Variants in NHS observed in about 807,000 individuals in gnomAD.
NHS encodes actin remodeling regulator NHS.
In NHS, 5 loss-of-function variants were observed where a neutral mutation model predicts 72.5. That is an observed-to-expected ratio of 0.07 (90% CI 0.04 to 0.14). The LOEUF (loss-of-function observed/expected upper bound fraction) is 0.14, where lower values mean the gene tolerates loss of function less well. NHS is among the 10% of genes least tolerant of loss of function. The probability of loss-of-function intolerance (pLI) is 1.00; values close to 1 mark genes in which losing one functional copy is unlikely to be tolerated. For synonymous variants in NHS, 464 were observed against 547.7 expected (o/e 0.85, Z 2.13); for missense variants, 1,072 against 1,355.7 (o/e 0.79, Z 3.29).
intron 3 of NHS, among the ~76,000 whole-genome samples, chrX:17,715,314 A>G (rs1417162045): frequency 2.7e-5 from 3 of 112,592 alleles, no homozygotes; most frequent in Admixed American, 1.9e-4. Flanking sequence ...CACTTAGAAT[A>G]ATGGCCTCCA....
intron 3 of NHS, among the ~76,000 whole-genome samples, chrX:17,695,486 C>T (rs1224708875): frequency 1.8e-5 from 2 of 111,560 alleles, no homozygotes; most frequent in African/African-American, 6.5e-5. Context: ...ATAGTATAAT[C>T]TCAAAAAATG....
intron 1 of NHS, among the ~76,000 whole-genome samples, chrX:17,621,745 G>A (rs1318937684): frequency 9.0e-6 from 1 of 110,969 alleles, no homozygotes; most frequent in African/African-American, 3.3e-5. Flanking sequence ...GAGCCCCCCA[G>A]GTAGTGACTC....
At chrX:17,433,301 G>A (rs1450380337) in intron 1 of NHS, among the ~76,000 whole-genome samples, 2 of 102,723 alleles carry the variant, frequency 1.9e-5, no homozygotes, top group East Asian at 3.1e-4. Flanking sequence ...TGCCCACCTC[G>A]GCCTCCCATA....
intron 1 of NHS, among the ~76,000 whole-genome samples, chrX:17,433,703 C>T (rs1421519646): frequency 8.9e-6 from 1 of 111,924 alleles, no homozygotes; most frequent in African/African-American, 3.3e-5. Flanking sequence ...GTAAGTTTTA[C>T]TGAACTCTTT....
chrX:17,466,766 A>T (rs1366836856), intron 1 of NHS, among the ~76,000 whole-genome samples: 1 of 111,879 alleles, frequency 8.9e-6, no homozygotes, highest in African/African-American at 3.3e-5. Flanking sequence ...GGCAATGCAC[A>T]TATCCAACTT....
intron 1 of NHS, among the ~76,000 whole-genome samples, chrX:17,570,749 G>C (rs975215942): frequency 3.6e-5 from 4 of 111,595 alleles, no homozygotes; most frequent in Non-Finnish European, 7.5e-5. Context: ...TCTTGTGCTG[G>C]TTTTCAAAGG....
At chrX:17,723,316 G>A (rs937943377) in intron 5 of NHS, among the ~76,000 whole-genome samples, 1 of 111,755 alleles carries the variant, frequency 8.9e-6, no homozygotes, top group Non-Finnish European at 1.9e-5. Flanking sequence ...TCCAAAGCAC[G>A]GCATTGTGAC....
At chrX:17,430,966 GTTCTCATTTC>G (rs2064692421) in intron 1 of NHS, among the ~76,000 whole-genome samples, 1 of 112,188 alleles carries the variant, frequency 8.9e-6, no homozygotes, top group Non-Finnish European at 1.9e-5. Flanking sequence ...GTGGACATAT[GTTCTCATTTC>G]TTCTCTTATA....
chrX:17,513,988 G>A (rs1006636191), intron 1 of NHS, among the ~76,000 whole-genome samples: 58 of 112,044 alleles, frequency 5.2e-4, no homozygotes, highest in African/African-American at 3.9e-4. Flanking sequence ...AGGCAAGGAG[G>A]AGCAAGTCAT....
At chrX:17,407,457 C>A (rs2064534548) in intron 1 of NHS, among the ~76,000 whole-genome samples, 1 of 111,347 alleles carries the variant, frequency 9.0e-6, no homozygotes, top group Non-Finnish European at 1.9e-5. Flanking sequence ...CTTTTATGAT[C>A]TGGCTTTAGG....
At chrX:17,449,577 G>C (rs2064797021) in intron 1 of NHS, among the ~76,000 whole-genome samples, 1 of 112,124 alleles carries the variant, frequency 8.9e-6, no homozygotes, top group Non-Finnish European at 1.9e-5. Flanking sequence ...GCACTTTACT[G>C]TATGTAAGTG....
intron 1 of NHS, among the ~76,000 whole-genome samples, chrX:17,386,009 T>C (rs2064406100): frequency 8.9e-6 from 1 of 111,915 alleles, no homozygotes; most frequent in African/African-American, 3.3e-5. Flanking sequence ...CCATGCCCTC[T>C]GAGACTCCAG....
intron 1 of NHS, among the ~76,000 whole-genome samples, chrX:17,561,269 T>C (rs961485465): frequency 8.9e-6 from 1 of 111,948 alleles, no homozygotes; most frequent in African/African-American, 3.3e-5. Flanking sequence ...TCTGTGGTGA[T>C]GGAACAGGCA....
intron 1 of NHS, among the ~76,000 whole-genome samples, chrX:17,453,745 G>C (rs1360694948): frequency 2.7e-5 from 3 of 112,203 alleles, no homozygotes; most frequent in African/African-American, 9.7e-5. Flanking sequence ...TGGAACCCCT[G>C]CTCAAGGATG....
At chrX:17,619,099 G>A (rs887328105) in intron 1 of NHS, among the ~76,000 whole-genome samples, 16 of 112,307 alleles carry the variant, frequency 1.4e-4, no homozygotes, top group African/African-American at 4.9e-4. Context: ...CCCTGTGATT[G>A]AGTTATGACG....
chrX:17,454,390 G>A (rs1253828018), intron 1 of NHS, among the ~76,000 whole-genome samples: 1 of 111,878 alleles, frequency 8.9e-6, no homozygotes, highest in Non-Finnish European at 1.9e-5. Context: ...GCAATCCCAG[G>A]TGGACATTCA....
At position 17,538,337 on chromosome X, in the gene NHS, CTCAGGGGGG is replaced by C. The variant is rs1281287153; in HGVS notation, c.566-149402_566-149394del. Among the ~76,000 whole-genome samples, 3 of 111,588 alleles carry C rather than the reference CTCAGGGGGG, an allele frequency of 2.7e-5. No homozygotes were observed. The East Asian group carries it at 8.5e-4, about 32-fold the overall frequency. ...TGAGGAATGGAGCAAATGCTCTTTG[CTCAGGGGGG>C]TCCTGGAAGCAGTGGTTAGGGCCTG... On this transcript the variant is annotated intron_variant, in intron 1 of 8. Transcript: ENST00000676302.
intron 1 of NHS, among the ~76,000 whole-genome samples, chrX:17,430,387 TTTTC>T (rs1465311723): frequency 3.0e-5 from 3 of 99,155 alleles, no homozygotes; most frequent in African/African-American, 1.1e-4. Context: ...TTTCTTTCTT[TTTTC>T]TTTCTTTCTC....
chrX:17,669,399 T>C (rs2066031168), intron 1 of NHS, among the ~76,000 whole-genome samples: 1 of 112,074 alleles, frequency 8.9e-6, no homozygotes, highest in Non-Finnish European at 1.9e-5. Context: ...CATTGGACAA[T>C]GAGGGCCATA....
Sources: allele counts gnomAD v4.1 joint callset (sites outside exome capture counted in the v4.1 genomes callset), GRCh38; gene constraint gnomAD v4.1.1; transcripts MANE v1.5; gene names NCBI Gene and HGNC (gene_info 2026-07-23, HGNC 2026-07-21).